Variants in TPGS2 observed in about 807,000 individuals in gnomAD.
TPGS2 encodes tubulin polyglutamylase complex subunit 2, also known as polyglutamylase subunit 2.
A neutral mutation model predicts 31.1 loss-of-function variants in TPGS2; 26 were observed. That is an observed-to-expected ratio of 0.84 (90% CI 0.61 to 1.16). The LOEUF (loss-of-function observed/expected upper bound fraction) is 1.16. TPGS2 is among the 50% of genes most tolerant of loss of function. TPGS2 has a pLI of 0.00. For missense variants in TPGS2, 351 were observed against 363.8 expected (o/e 0.96, Z 0.29); for synonymous variants, 130 against 136.6 (o/e 0.95, Z 0.34).
chr18:36,796,728 C>T lies in TPGS2; in HGVS notation c.*77G>A. 1 of 1,521,042 alleles carries T rather than the reference C, an allele frequency of 6.6e-7. No individual in the cohort carries two copies. The highest frequency in any genetic ancestry group is 8.7e-7 in the Non-Finnish European group (1 of 1,143,278). The allele number at this position is 1,521,042 out of a possible 1,614,324, so 94.2% of individuals were successfully genotyped here. ...AGAGGCCTACGGTCCACACGCAAAACTGGAGGTCACCCCTAGGGCCATCTG... is the reference window on the plus strand; with the variant it reads ...AGAGGCCTACGGTCCACACGCAAAATTGGAGGTCACCCCTAGGGCCATCTG... On this transcript the variant is annotated 3_prime_UTR_variant, in exon 7 of 7. Coordinates refer to ENST00000334295, the MANE Select transcript of TPGS2 (RefSeq NM_015476.4).
chr18:36,810,979 G>A (rs1229876172), intron 2 of TPGS2, among the ~76,000 whole-genome samples: 2 of 152,140 alleles, frequency 1.3e-5, no homozygotes, highest in East Asian at 3.9e-4. Context: ...TTCCCAACTA[G>A]GGAGCAGATG....
chr18:36,818,266 T>G (rs1245224912), intron 2 of TPGS2, among the ~76,000 whole-genome samples: 1 of 152,178 alleles, frequency 6.6e-6, no homozygotes, highest in African/African-American at 2.4e-5. Flanking sequence ...TTTACCTCTC[T>G]TTCACAGTAC....
intron 6 of TPGS2, chr18:36,787,147 A>C: frequency 4.1e-6 from 5 of 1,231,614 alleles, no homozygotes; most frequent in Non-Finnish European, 5.1e-6. Context: ...AGAGGCATGC[A>C]TAGCATGTTA....
chr18:36,805,622 C>T, intron 3 of TPGS2, 120 bp from the exon 4 acceptor site: 1 of 1,345,640 alleles, frequency 7.4e-7, no homozygotes, highest in Non-Finnish European at 1.0e-6. Flanking sequence ...GCTGACGAAT[C>T]TGATGGAAGG....
chr18:36,788,310 G>GT (rs2044193845), intron 6 of TPGS2, among the ~76,000 whole-genome samples: 1 of 152,182 alleles, frequency 6.6e-6, no homozygotes, highest in South Asian at 2.1e-4. Flanking sequence ...CCCAGAACCT[G>GT]TGTAGCCAGG....
intron 1 of TPGS2, among the ~76,000 whole-genome samples, chr18:36,827,701 CTA>C (rs1383582141): frequency 1.3e-5 from 2 of 152,190 alleles, no homozygotes; most frequent in African/African-American, 4.8e-5. Flanking sequence ...TGGCTAACTC[CTA>C]TATGTCTTTC....
chr18:36,789,448 A>G (rs1383403740), downstream of TPGS2: 3 of 152,166 alleles, frequency 2.0e-5, no homozygotes. Flanking sequence ...TGAGGAATGA[A>G]TTTTAAATTT....
At chr18:36,805,254 G>A (rs1357833680) in intron 4 of TPGS2, 120 bp downstream of exon 4, 2 of 1,177,686 alleles carry the variant, frequency 1.7e-6, no homozygotes, top group Middle Eastern at 2.6e-4. Context: ...ATACTGAAAT[G>A]TTGAGTGAGG....
rs772872076 is a variant in TPGS2, at chr18:36,796,838, G to C, written c.870C>G (p.Ser290=). 1.9e-6 allele frequency: 3 copies of C among 1,601,644 alleles called. No homozygotes were observed. In the African/African-American group the frequency reaches 4.1e-5, roughly 22 times the overall value. ...SGPSTSSTSK[S]SSGSGNPTRK is the part of the protein sequence containing the mutation. ...GGGTGGGGTTTCCAGAGCCAGAGGA[G>C]GATTTAGAAGTGGAGGAAGTGGAGG... The change falls in exon 7 of 7, where the codon TCC becomes TCG. Residue 290 remains serine, a synonymous_variant. Transcript: ENST00000334295.
At chr18:36,803,243 T>A (rs1314878841) in intron 4 of TPGS2, among the ~76,000 whole-genome samples, 1 of 150,208 alleles carries the variant, frequency 6.7e-6, no homozygotes, top group Non-Finnish European at 1.5e-5. Context: ...TCACTGAAAC[T>A]GTGCCTGTTG....
chr18:36,798,207 TTAAAAA>T (rs1474254098), intron 6 of TPGS2: 2 of 1,349,164 alleles, frequency 1.5e-6, no homozygotes, highest in Admixed American at 6.1e-5. Context: ...CAGAATTTCA[TTAAAAA>T]TAAAACTCCC....
At chr18:36,827,986 C>T (rs2046255620) in intron 1 of TPGS2, among the ~76,000 whole-genome samples, 1 of 152,088 alleles carries the variant, frequency 6.6e-6, no homozygotes, top group African/African-American at 2.4e-5. Flanking sequence ...GCGGGTGGAT[C>T]ACCTGAGGTC....
chr18:36,800,669 A>C (rs2044762396), intron 4 of TPGS2, among the ~76,000 whole-genome samples: 1 of 151,990 alleles, frequency 6.6e-6, no homozygotes, highest in Admixed American at 6.6e-5. Flanking sequence ...TGGGATAGCA[A>C]ACACATTATC....
chr18:36,809,928 C>A (rs560438801), intron 2 of TPGS2, among the ~76,000 whole-genome samples: 1 of 151,992 alleles, frequency 6.6e-6, no homozygotes, highest in Admixed American at 6.5e-5. Context: ...TTATTTCACC[C>A]AAGAAATAAG....
intron 6 of TPGS2, chr18:36,786,733 G>T: frequency 9.2e-7 from 1 of 1,092,614 alleles, no homozygotes; most frequent in Non-Finnish European, 1.2e-6. Flanking sequence ...ATCCTGTTAT[G>T]GTCAGAAACT....
intron 1 of TPGS2, among the ~76,000 whole-genome samples, chr18:36,819,320 G>A (rs551050987): frequency 6.6e-6 from 1 of 152,126 alleles, no homozygotes; most frequent in Non-Finnish European, 1.5e-5. Context: ...AGGATAAAGT[G>A]AAAAGAAATA....
Position 36,795,968 on chromosome 18 carries a change from T to C in TPGS2, c.*837A>G, listed in dbSNP as rs144394450. 0.015 allele frequency: 14,484 copies of C among 985,446 alleles called. 125 individuals are homozygous for C. Among genetic ancestry groups the C allele is most frequent in the Non-Finnish European group, 0.016 (13,131 of 829,920 alleles). 61.0% of individuals were successfully genotyped at this position (985,446 alleles called of 1,614,324 possible). ...GTTTTTAAATGGTAAGAATAAAGTATAGCAGAAGTACACCTTCTTTAAAAA... is the reference window on the plus strand; with the variant it reads ...GTTTTTAAATGGTAAGAATAAAGTACAGCAGAAGTACACCTTCTTTAAAAA... On this transcript the variant is annotated 3_prime_UTR_variant, in exon 7 of 7. Transcript: ENST00000334295.
chr18:36,796,721 C>T lies in TPGS2; in HGVS notation c.*84G>A, dbSNP rs185748941. ...ACTAGAAAGAGGCCTACGGTCCACACGCAAAACTGGAGGTCACCCCTAGGG... is the reference window on the plus strand; with the variant it reads ...ACTAGAAAGAGGCCTACGGTCCACATGCAAAACTGGAGGTCACCCCTAGGG... On this transcript the variant is annotated 3_prime_UTR_variant, in exon 7 of 7. Transcript: ENST00000334295. 38 of 1,513,938 alleles carry T rather than the reference C, an allele frequency of 2.5e-5. No homozygotes were observed. In the East Asian group the frequency reaches 2.6e-4, roughly 11 times the overall value. 93.8% of individuals were successfully genotyped at this position (1,513,938 alleles called of 1,614,324 possible).
In TPGS2 at chr18:36,798,535, C is replaced by G. The variant is rs373895624; in HGVS notation, c.571G>C (p.Ala191Pro). Residue 191 changes from alanine to proline, a missense_variant, in exon 6 of 7, where the codon GCC becomes CCC. Physicochemically the swap from Ala to Pro is conservative, Grantham distance 27. Transcript: ENST00000334295. ...YWHFLTDTFTAYYRLLITHLG... is the reference protein window; with the variant it reads ...YWHFLTDTFTPYYRLLITHLG... ...TGGGTGATGAGCAGGCGGTAATAGG[C>G]AGTAAAGGTGTCTGTGAGAAAATGC... 1.9e-6 allele frequency: 3 copies of G among 1,614,064 alleles called. No homozygotes were observed. The African/African-American group carries it at 4.0e-5, about 22-fold the overall frequency.
Sources: gnomAD v4.1 joint callset for allele counts (sites outside exome capture counted in the v4.1 genomes callset) on GRCh38, gnomAD v4.1.1 for gene constraint, MANE v1.5 for transcripts, NCBI Gene and HGNC (gene_info 2026-07-23, HGNC 2026-07-21) for gene names.